The following RAB3C variants were observed in gnomAD, a reference collection of about 807,000 sequenced individuals.
RAB3C encodes the protein RAB3C, member RAS oncogene family, also known as ras-related protein Rab-3C.
In RAB3C, 17 loss-of-function variants were observed where a neutral mutation model predicts 26.4. The ratio of observed to expected loss-of-function variants is 0.64; its 90% CI spans 0.44 to 0.97. RAB3C has a LOEUF of 0.97. RAB3C is among the 50% of genes least tolerant of loss of function. The pLI is 0.00. For missense variants in RAB3C, 242 were observed against 281.9 expected, an observed-to-expected ratio of 0.86 and a Z score of 1.01; for synonymous variants, 91 against 95.9, an observed-to-expected ratio of 0.95 and a Z score of 0.30.
chr5:58,663,567 G>A (rs1460367945), intron 2 of RAB3C, among the ~76,000 whole-genome samples: 1 of 147,848 alleles, frequency 6.8e-6, no homozygotes, highest in African/African-American at 2.7e-5. Flanking sequence ...TTATTCAAAT[G>A]TAACTATTAG....
At chr5:58,755,415 T>A (rs1741633524) in intron 3 of RAB3C, among the ~76,000 whole-genome samples, 1 of 152,238 alleles carries the variant, frequency 6.6e-6, no homozygotes, top group Non-Finnish European at 1.5e-5. Flanking sequence ...TGTGAAATGG[T>A]GTTCATATTT....
intron 3 of RAB3C, among the ~76,000 whole-genome samples, chr5:58,824,238 C>A (rs936339327): frequency 1.3e-5 from 2 of 151,706 alleles, no homozygotes; most frequent in Admixed American, 6.6e-5. Flanking sequence ...TGGGTATATA[C>A]CCTGCAAAAA....
chr5:58,629,156 G>A (rs158973), intron 2 of RAB3C, among the ~76,000 whole-genome samples: 38,028 of 151,638 alleles, frequency 0.25, 5,001 homozygotes, highest in Admixed American at 0.31. Flanking sequence ...AATCTGGCAG[G>A]TGGTAGATTT....
At chr5:58,583,743 A>C (rs571292463) in intron 1 of RAB3C, among the ~76,000 whole-genome samples, 11 of 152,302 alleles carry the variant, frequency 7.2e-5, no homozygotes, top group African/African-American at 2.6e-4. Flanking sequence ...TCCCAGTATC[A>C]GCAAAAAATA....
intron 3 of RAB3C, among the ~76,000 whole-genome samples, chr5:58,770,195 G>A (rs2111987141): frequency 6.6e-6 from 1 of 152,246 alleles, no homozygotes; most frequent in African/African-American, 2.4e-5. Flanking sequence ...AGTACAGCAG[G>A]TTGTTAGGTA....
chr5:58,747,364 C>G (rs1368348416), intron 3 of RAB3C, among the ~76,000 whole-genome samples: 1 of 152,104 alleles, frequency 6.6e-6, no homozygotes, highest in Non-Finnish European at 1.5e-5. Context: ...ATCTAAAATT[C>G]AGATGTAATA....
At chr5:58,649,918 A>C (rs537502119) in intron 2 of RAB3C, among the ~76,000 whole-genome samples, 7 of 152,226 alleles carry the variant, frequency 4.6e-5, no homozygotes, top group African/African-American at 1.7e-4. Context: ...CTCAAAAAGC[A>C]GCACTCTCTG....
At chr5:58,729,179 A>G (rs417095) in intron 3 of RAB3C, among the ~76,000 whole-genome samples, 1 of 151,954 alleles carries the variant, frequency 6.6e-6, no homozygotes, top group South Asian at 2.1e-4. Flanking sequence ...ATTTTCATTA[A>G]TCATTTTTCC....
At chr5:58,816,452 A>C (rs935181205) in intron 3 of RAB3C, among the ~76,000 whole-genome samples, 1 of 152,050 alleles carries the variant, frequency 6.6e-6, no homozygotes, top group Non-Finnish European at 1.5e-5. Context: ...TTTTCCTTTC[A>C]TATTTTACCT....
At chr5:58,607,128 A>G (rs528928447) in intron 1 of RAB3C, among the ~76,000 whole-genome samples, 2 of 152,352 alleles carry the variant, frequency 1.3e-5, no homozygotes, top group South Asian at 4.1e-4. Flanking sequence ...CTAAACGAGC[A>G]TGTTCTAACC....
intron 2 of RAB3C, among the ~76,000 whole-genome samples, chr5:58,633,253 C>G (rs2111752588): frequency 6.6e-6 from 1 of 152,258 alleles, no homozygotes; most frequent in East Asian, 1.9e-4. Flanking sequence ...TCTACAACAT[C>G]TTTTAGAATG....
chr5:58,688,728 T>C (rs1385025206), intron 2 of RAB3C, among the ~76,000 whole-genome samples: 1 of 152,130 alleles, frequency 6.6e-6, no homozygotes, highest in African/African-American at 2.4e-5. Flanking sequence ...AATCTGTGAA[T>C]AGGAGTTGAT....
At chr5:58,777,089 G>A (rs181139169) in intron 3 of RAB3C, among the ~76,000 whole-genome samples, 59 of 152,214 alleles carry the variant, frequency 3.9e-4, no homozygotes, top group African/African-American at 1.4e-3. Context: ...TCAACTTTAG[G>A]TTTGGGTCTT....
chr5:58,629,524 TAAAC>T, intron 2 of RAB3C, among the ~76,000 whole-genome samples: 1 of 152,138 alleles, frequency 6.6e-6, no homozygotes, highest in East Asian at 1.9e-4. Context: ...GGCGTGGAAA[TAAAC>T]AAAAGACCAG....
chr5:58,817,635 T>C (rs576140868), intron 3 of RAB3C, among the ~76,000 whole-genome samples: 3 of 152,222 alleles, frequency 2.0e-5, no homozygotes, highest in East Asian at 3.9e-4. Context: ...GAAAGAAAAG[T>C]AGTTGGAGGG....
At chr5:58,780,270 C>G (rs1561127795) in intron 3 of RAB3C, among the ~76,000 whole-genome samples, 1 of 152,182 alleles carries the variant, frequency 6.6e-6, no homozygotes, top group Admixed American at 6.5e-5. Flanking sequence ...TGAGACATCC[C>G]CTCTCCTGGA....
At chr5:58,823,130 A>G (rs998354628) in intron 3 of RAB3C, 2 of 418,100 alleles carry the variant, frequency 4.8e-6, no homozygotes, top group South Asian at 4.1e-5. Context: ...TGCAGATTAC[A>G]TGCATTACCT....
intron 4 of RAB3C, among the ~76,000 whole-genome samples, chr5:58,832,684 T>A (rs1318496178): frequency 3.3e-5 from 5 of 152,208 alleles, no homozygotes; most frequent in Non-Finnish European, 7.3e-5. Flanking sequence ...AAGGTCACAC[T>A]GTGGAGACAA....
At position 58,797,535 on chromosome 5, in the gene RAB3C, G is replaced by T. The variant is rs369615357; in HGVS notation, c.372-27503G>T. 2.6e-4 allele frequency among the ~76,000 whole-genome samples: 39 copies of T among 151,702 alleles called. No individual in the cohort carries two copies. In the South Asian group the frequency reaches 7.1e-3, roughly 28 times the overall value. On this transcript the variant is annotated intron_variant, in intron 3 of 4. Transcript: ENST00000282878. ...TTCTCAGCAACTGGAGCTGCCTCCCGTTGGAAAAGATAAACGTCCTCCTTC... is the reference window on the plus strand; with the variant it reads ...TTCTCAGCAACTGGAGCTGCCTCCCTTTGGAAAAGATAAACGTCCTCCTTC...
Sources: gnomAD v4.1 joint callset for allele counts (sites outside exome capture counted in the v4.1 genomes callset) on GRCh38, gnomAD v4.1.1 for gene constraint, MANE v1.5 for transcripts, NCBI Gene and HGNC (gene_info 2026-07-23, HGNC 2026-07-21) for gene names.